The following PTPRM variants were observed in gnomAD, a reference collection of about 807,000 sequenced individuals.
PTPRM encodes protein tyrosine phosphatase receptor type M, also known as receptor-type tyrosine-protein phosphatase mu.
In PTPRM, 47 loss-of-function variants were observed where a neutral mutation model predicts 186.7. That is an observed-to-expected ratio of 0.25 (90% CI 0.20 to 0.32). PTPRM has a LOEUF of 0.32. Among genes scored for constraint, PTPRM ranks in the 10% least tolerant of loss-of-function variants. PTPRM has a pLI of 1.00. For synonymous variants in PTPRM, 668 were observed against 674.9 expected, an observed-to-expected ratio of 0.99 and a Z score of 0.16; for missense variants, 1,494 against 1,865.0, an observed-to-expected ratio of 0.80 and a Z score of 3.66.
chr18:8,376,893 C>T (rs1401194614), intron 26 of PTPRM: 1 of 291,540 alleles, frequency 3.4e-6, no homozygotes. Flanking sequence ...CTTTCAATAC[C>T]ATTTCCTTTT....
At chr18:7,589,343 G>A (rs1229909461) in intron 1 of PTPRM, among the ~76,000 whole-genome samples, 2 of 152,158 alleles carry the variant, frequency 1.3e-5, no homozygotes, top group Non-Finnish European at 2.9e-5. Context: ...ACAGCAAATG[G>A]GAAAGGAGAA....
At chr18:8,023,070 A>G (rs1227586357) in intron 7 of PTPRM, among the ~76,000 whole-genome samples, 3 of 151,400 alleles carry the variant, frequency 2.0e-5, no homozygotes, top group African/African-American at 7.3e-5. Context: ...ATGTAAGGTT[A>G]GCCCTCTAAT....
intron 19 of PTPRM, among the ~76,000 whole-genome samples, chr18:8,281,329 C>T (rs1200569735): frequency 6.6e-6 from 1 of 152,216 alleles, no homozygotes; most frequent in Non-Finnish European, 1.5e-5. Flanking sequence ...CTTCACTGTA[C>T]TCTCTTCCTC....
intron 1 of PTPRM, among the ~76,000 whole-genome samples, chr18:7,654,266 T>A (rs1229296140): frequency 6.6e-6 from 1 of 152,168 alleles, no homozygotes; most frequent in Admixed American, 6.5e-5. Context: ...ATTTGGTAGG[T>A]TGTCTGTTCA....
chr18:8,143,650 C>T lies in PTPRM; in HGVS notation c.2171C>T (p.Ala724Val). The change falls in exon 14 of 33, where the codon GCT becomes GTT. Residue 724 changes from alanine (A) to valine (V), a missense_variant. Coordinates refer to ENST00000580170, the MANE Select transcript of PTPRM (RefSeq NM_001105244.2). Reference sequence around the variant, plus strand: ...TTTCATTTCCTTTCATCTTCAGGAGCTGCCACTCCGAAACCAGTCCCAGAA... The same window carrying T: ...TTTCATTTCCTTTCATCTTCAGGAGTTGCCACTCCGAAACCAGTCCCAGAA... ...IDCVQVATKG[A>V]ATPKPVPEPE... 1 of 1,591,078 alleles carries T rather than the reference C, an allele frequency of 6.3e-7. No homozygotes were observed. Among genetic ancestry groups the T allele is most frequent in the African/African-American group, 1.3e-5 (1 of 74,488 alleles).
chr18:7,937,731 G>A (rs900663840), intron 5 of PTPRM, among the ~76,000 whole-genome samples: 4 of 152,204 alleles, frequency 2.6e-5, no homozygotes, highest in Non-Finnish European at 5.9e-5. Context: ...AGGTCTATCA[G>A]TCACTTACTG....
At chr18:7,896,944 C>A (rs781469607) in intron 3 of PTPRM, among the ~76,000 whole-genome samples, 15 of 152,286 alleles carry the variant, frequency 9.8e-5, no homozygotes, top group South Asian at 6.2e-4. Context: ...CTGTATTTGC[C>A]TTCAGCCCAC....
At chr18:7,837,082 G>A (rs2046087712) in intron 2 of PTPRM, among the ~76,000 whole-genome samples, 1 of 151,944 alleles carries the variant, frequency 6.6e-6, no homozygotes, top group Non-Finnish European at 1.5e-5. Flanking sequence ...TTCTACCCCG[G>A]TCTCTTTCTC....
chr18:8,319,260 A>G (rs1039108291), intron 22 of PTPRM, 46 bp downstream of exon 22: 9 of 1,405,638 alleles, frequency 6.4e-6, no homozygotes, highest in Non-Finnish European at 9.0e-6. Flanking sequence ...TCTTTTGCCC[A>G]CTTCCTATCA....
chr18:8,047,206 A>G (rs2087124808), intron 7 of PTPRM, among the ~76,000 whole-genome samples: 1 of 152,182 alleles, frequency 6.6e-6, no homozygotes, highest in African/African-American at 2.4e-5. Context: ...TAGATGGCAA[A>G]TGAATGCTTT....
intron 31 of PTPRM, among the ~76,000 whole-genome samples, chr18:8,388,744 G>A (rs761124817): frequency 6.6e-6 from 1 of 152,096 alleles, no homozygotes; most frequent in Admixed American, 6.5e-5. Context: ...GGTGGATCAC[G>A]AGGTCAGGAG....
chr18:8,028,281 T>C (rs994200303), intron 7 of PTPRM, among the ~76,000 whole-genome samples: 26 of 152,128 alleles, frequency 1.7e-4, no homozygotes, highest in African/African-American at 5.6e-4. Context: ...GGAATACAGG[T>C]GTGCACCACC....
chr18:8,247,599 G>A (rs1231370640), intron 15 of PTPRM, among the ~76,000 whole-genome samples: 1 of 152,164 alleles, frequency 6.6e-6, no homozygotes, highest in Non-Finnish European at 1.5e-5. Flanking sequence ...TGGTGGCTGT[G>A]GTTGTGGGCT....
At chr18:8,181,131 T>C (rs896951962) in intron 14 of PTPRM, among the ~76,000 whole-genome samples, 12 of 152,210 alleles carry the variant, frequency 7.9e-5, no homozygotes, top group African/African-American at 2.7e-4. Context: ...GTTCTAGACA[T>C]TGCAGATATA....
At chr18:7,622,104 C>G (rs1425916139) in intron 1 of PTPRM, among the ~76,000 whole-genome samples, 1 of 152,272 alleles carries the variant, frequency 6.6e-6, no homozygotes, top group East Asian at 1.9e-4. Flanking sequence ...TCCTGCTGCT[C>G]CATATCCTAG....
intron 5 of PTPRM, among the ~76,000 whole-genome samples, chr18:7,935,338 A>G (rs2051740159): frequency 6.6e-6 from 1 of 152,156 alleles, no homozygotes; most frequent in African/African-American, 2.4e-5. Flanking sequence ...TTTATATAAT[A>G]TACTGAACAA....
chr18:8,073,906 A>T (rs2089645364), intron 8 of PTPRM, among the ~76,000 whole-genome samples: 1 of 152,136 alleles, frequency 6.6e-6, no homozygotes, highest in Non-Finnish European at 1.5e-5. Flanking sequence ...CCCTATTTCC[A>T]AAAAACAAAA....
At chr18:7,800,994 G>T (rs746956147) in intron 2 of PTPRM, among the ~76,000 whole-genome samples, 45 of 152,134 alleles carry the variant, frequency 3.0e-4, no homozygotes, top group Non-Finnish European at 5.9e-4. Flanking sequence ...TGCAGGATTG[G>T]AAGTTGCTCT....
At chr18:8,198,941 C>T (rs1339879335) in intron 14 of PTPRM, among the ~76,000 whole-genome samples, 1 of 152,088 alleles carries the variant, frequency 6.6e-6, no homozygotes, top group Non-Finnish European at 1.5e-5. Flanking sequence ...GTAATGATGG[C>T]AGCAAAAGCC....
Sources: gnomAD v4.1 joint callset for allele counts (sites outside exome capture counted in the v4.1 genomes callset) on GRCh38, gnomAD v4.1.1 for gene constraint, MANE v1.5 for transcripts, NCBI Gene and HGNC (gene_info 2026-07-23, HGNC 2026-07-21) for gene names.